ARHGAP11B: variants seen among roughly 807,000 people sequenced by gnomAD.
ARHGAP11B encodes inactive Rho GTPase-activating protein 11B.
A neutral mutation model predicts 27.6 loss-of-function variants in ARHGAP11B; 14 were observed. The observed-to-expected ratio is 0.51, with a 90% CI of 0.34 to 0.79. The LOEUF is 0.79. ARHGAP11B is among the 30% of genes least tolerant of loss of function. ARHGAP11B has a pLI of 0.02. For missense variants in ARHGAP11B, 245 were observed against 320.1 expected (o/e 0.77, Z 1.79); for synonymous variants, 82 against 114.1 (o/e 0.72, Z 1.80).
At chr15:30,626,810 A>G (rs1357715694) in exon 1 of ARHGAP11B, 2 of 1,613,456 alleles carry the variant, frequency 1.2e-6, no homozygotes, top group South Asian at 1.1e-5. Context: ...AGAGTTATCG[A>G]CGTATCCGGA....
At chr15:30,633,397 A>G in intron 2 of ARHGAP11B, 93 bp from the exon 3 acceptor site, 1 of 1,088,550 alleles carries the variant, frequency 9.2e-7, no homozygotes, top group Non-Finnish European at 1.3e-6. Flanking sequence ...AGAGCCTCTG[A>G]AAGGTCTGTA....
At chr15:30,645,191 A>T (rs1318267929) in intron 8 of ARHGAP11B, among the ~76,000 whole-genome samples, 2 of 151,976 alleles carry the variant, frequency 1.3e-5, no homozygotes, top group African/African-American at 4.8e-5. Context: ...TGAAAATCTT[A>T]TTTAGGGTGA....
chr15:30,626,575 A>G, exon 1 of ARHGAP11B: 1 of 533,052 alleles, frequency 1.9e-6, no homozygotes, highest in Non-Finnish European at 3.2e-6. Context: ...GGTCGCTGTA[A>G]GTGAAGGAAG....
At chr15:30,637,659 G>A (rs1331932243) in intron 6 of ARHGAP11B, among the ~76,000 whole-genome samples, 1 of 151,884 alleles carries the variant, frequency 6.6e-6, no homozygotes, top group African/African-American at 2.4e-5. Context: ...GTGTGAACCT[G>A]GGAGGCGGAG....
intron 4 of ARHGAP11B, 52 bp from the exon 5 acceptor site, chr15:30,635,028 C>T (rs962749386): frequency 5.8e-6 from 9 of 1,565,050 alleles, no homozygotes; most frequent in Admixed American, 1.7e-5. Flanking sequence ...TATTTTAACT[C>T]TTCTGTATTT....
At chr15:30,629,749 C>T (rs1481710139) in intron 1 of ARHGAP11B, among the ~76,000 whole-genome samples, 1 of 152,110 alleles carries the variant, frequency 6.6e-6, no homozygotes, top group East Asian at 1.9e-4. Flanking sequence ...AAATATAATG[C>T]TCATAAAACA....
At chr15:30,636,591 C>A (rs1205674064) in intron 6 of ARHGAP11B, among the ~76,000 whole-genome samples, 1 of 151,998 alleles carries the variant, frequency 6.6e-6, no homozygotes, top group East Asian at 1.9e-4. Context: ...ATACTGATGA[C>A]TTATGTATGA....
intron 7 of ARHGAP11B, among the ~76,000 whole-genome samples, chr15:30,643,321 C>T (rs902668802): frequency 6.6e-6 from 1 of 150,926 alleles, no homozygotes; most frequent in African/African-American, 2.4e-5. Flanking sequence ...CTCTGTCACC[C>T]AGGTTGGAAT....
intron 2 of ARHGAP11B, among the ~76,000 whole-genome samples, chr15:30,631,634 C>T (rs2060246044): frequency 6.6e-6 from 1 of 152,154 alleles, no homozygotes; most frequent in Non-Finnish European, 1.5e-5. Flanking sequence ...TGCCACTGCA[C>T]TCCAGCATTG....
At chr15:30,639,869 A>G (rs1417706803) in intron 7 of ARHGAP11B, among the ~76,000 whole-genome samples, 1 of 151,914 alleles carries the variant, frequency 6.6e-6, no homozygotes, top group Non-Finnish European at 1.5e-5. Flanking sequence ...ATTTCATATT[A>G]ATAATACCAC....
exon 6 of ARHGAP11B, chr15:30,635,573 G>A: frequency 6.2e-7 from 1 of 1,613,420 alleles, no homozygotes. Context: ...GGAAGGCTTT[G>A]AAGAAGGTGA....
chr15:30,644,969 G>T (rs1234890194), intron 8 of ARHGAP11B, among the ~76,000 whole-genome samples: 4 of 151,786 alleles, frequency 2.6e-5, no homozygotes, highest in African/African-American at 9.7e-5. Context: ...TAGAGTGGGT[G>T]GGGGGCCTCC....
chr15:30,640,981 C>T (rs1420081073), intron 7 of ARHGAP11B, among the ~76,000 whole-genome samples: 1 of 151,396 alleles, frequency 6.6e-6, no homozygotes, highest in Non-Finnish European at 1.5e-5. Flanking sequence ...TGTAGTTCTA[C>T]CTGCCTTTGC....
chr15:30,631,729 G>A (rs1458149188), intron 2 of ARHGAP11B, among the ~76,000 whole-genome samples: 1 of 152,008 alleles, frequency 6.6e-6, no homozygotes, highest in Non-Finnish European at 1.5e-5. Context: ...TTGTGAAAAT[G>A]TATTATGTAT....
exon 9 of ARHGAP11B, chr15:30,646,253 T>C (rs1293034899): frequency 2.9e-6 from 3 of 1,023,366 alleles, no homozygotes; most frequent in Non-Finnish European, 3.6e-6. Context: ...GCATGGTGGC[T>C]GGTCACCAGG....
intron 2 of ARHGAP11B, among the ~76,000 whole-genome samples, chr15:30,632,433 A>C (rs1045321348): frequency 5.3e-5 from 8 of 152,058 alleles, no homozygotes; most frequent in Admixed American, 5.2e-4. Flanking sequence ...AAAAGAAAAA[A>C]AAAAAGCAGA....
intron 1 of ARHGAP11B, 44 bp from the exon 2 acceptor site, chr15:30,630,659 T>G: frequency 1.3e-6 from 2 of 1,543,268 alleles, no homozygotes; most frequent in Middle Eastern, 1.7e-4. Flanking sequence ...AAACTGATAT[T>G]ATGCCTAATA....
Position 30,635,206 on chromosome 15 carries a change from A to G in ARHGAP11B, c.660+18A>G, listed in dbSNP as rs1380563209. On this transcript the variant is annotated intron_variant, in intron 5 of 10. Transcript: ENST00000428041. Reference sequence around the variant, plus strand: ...AAAAGAAGGTACGATTACAGGCTGCAGTAGTACAGACTCTTATCGATTATG... The same window carrying G: ...AAAAGAAGGTACGATTACAGGCTGCGGTAGTACAGACTCTTATCGATTATG... 6.2e-7 allele frequency: 1 copy of G among 1,611,000 alleles called. No individual in the cohort carries two copies. The highest frequency in any genetic ancestry group is 1.3e-5 in the African/African-American group (1 of 74,350).
In ARHGAP11B at chr15:30,639,162, A is replaced by G. The variant is rs1213123878; in HGVS notation, c.*78+342A>G. Reference sequence around the variant, plus strand: ...TAGAAGTTCATTATTGTATATTTCAATTTTTTATCCTAATTTGCTTGTGGC... The same window carrying G: ...TAGAAGTTCATTATTGTATATTTCAGTTTTTTATCCTAATTTGCTTGTGGC... On this transcript the variant is annotated intron_variant, in intron 7 of 10. Transcript: ENST00000428041. Among the ~76,000 whole-genome samples, 4 of 152,276 alleles carry G rather than the reference A, an allele frequency of 2.6e-5. No individual in the cohort carries two copies. In the East Asian group the frequency reaches 5.8e-4, roughly 22 times the overall value.
Sources: gnomAD v4.1 joint callset for allele counts (sites outside exome capture counted in the v4.1 genomes callset) on GRCh38, gnomAD v4.1.1 for gene constraint, MANE v1.5 for transcripts, NCBI Gene and HGNC (gene_info 2026-07-23, HGNC 2026-07-21) for gene names.